The following PRAG1 variants were observed in gnomAD, a reference collection of about 807,000 sequenced individuals.
PRAG1 encodes the protein inactive tyrosine-protein kinase PRAG1.
PRAG1 carries 110 observed loss-of-function variants against 95.6 expected under a neutral mutation model. The observed-to-expected ratio is 1.15, with a 90% confidence interval of 0.99 to 1.35. The LOEUF is 1.35. PRAG1 is among the 40% of genes most tolerant of loss of function. The pLI, the probability that PRAG1 is intolerant of heterozygous loss-of-function variation, is 0.00. For missense variants in PRAG1, 2,554 were observed against 1,864.7 expected (o/e 1.37, Z -6.81); for synonymous variants, 1,052 against 819.4 (o/e 1.28, Z -4.85).
chr8:8,336,929 A>T (rs1190635541), intron 4 of PRAG1, among the ~76,000 whole-genome samples: 1 of 15,060 alleles, frequency 6.6e-5, no homozygotes, highest in Non-Finnish European at 1.4e-4. Context: ...CCCACCTCCG[A>T]CATAAAGCAT....
intron 2 of PRAG1, among the ~76,000 whole-genome samples, chr8:8,379,212 A>G (rs1800551958): frequency 6.6e-6 from 1 of 152,158 alleles, no homozygotes; most frequent in South Asian, 2.1e-4. Context: ...CAACTATGCC[A>G]GAGGTCATCT....
intron 4 of PRAG1, among the ~76,000 whole-genome samples, chr8:8,330,136 C>T (rs751026503): frequency 6.6e-6 from 1 of 152,110 alleles, no homozygotes; most frequent in Non-Finnish European, 1.5e-5. Context: ...GAGGCCAAGG[C>T]GGGAGGATCA....
chr8:8,336,075 T>C (rs1277502118), intron 4 of PRAG1, among the ~76,000 whole-genome samples: 1 of 152,228 alleles, frequency 6.6e-6, no homozygotes, highest in Non-Finnish European at 1.5e-5. Context: ...ACTGCCCTGG[T>C]ACATGTATTC....
chr8:8,337,624 T>C (rs955415426), intron 4 of PRAG1, among the ~76,000 whole-genome samples: 4 of 152,186 alleles, frequency 2.6e-5, no homozygotes, highest in Non-Finnish European at 5.9e-5. Context: ...AGGGACAAGG[T>C]ACATATCTTC....
At chr8:8,368,421 T>C (rs952925980) in intron 3 of PRAG1, among the ~76,000 whole-genome samples, 3 of 152,150 alleles carry the variant, frequency 2.0e-5, no homozygotes, top group Non-Finnish European at 2.9e-5. Flanking sequence ...CAAAAGTCAA[T>C]AGAAAGAAAT....
chr8:8,376,654 G>C lies in PRAG1; in HGVS notation c.1755C>G (p.Pro585=), dbSNP rs1255315667. ...DGSSGGSSIG[P]QPPSQGPADP... ...CAGCAGGACCTTGGGATGGAGGCTG[G>C]GGCCCAATGCTGCTGCCGCCAGAGC... Residue 585 remains proline, a synonymous_variant, in exon 3 of 6, where the codon CCC becomes CCG. Transcript: ENST00000615670. The C allele has an allele frequency of 1.2e-6, 2 of 1,609,598 alleles. No individual in the cohort carries two copies. Among genetic ancestry groups the C allele is most frequent in the Non-Finnish European group, 1.7e-6 (2 of 1,178,454 alleles).
chr8:8,354,203 G>A (rs1203840675), intron 3 of PRAG1, among the ~76,000 whole-genome samples: 1 of 152,064 alleles, frequency 6.6e-6, no homozygotes, highest in Non-Finnish European at 1.5e-5. Flanking sequence ...TAAATTCCTA[G>A]ATTCAATATT....
chr8:8,325,600 T>G (rs1798611997), intron 5 of PRAG1, among the ~76,000 whole-genome samples: 1 of 152,162 alleles, frequency 6.6e-6, no homozygotes, highest in African/African-American at 2.4e-5. Context: ...CACAGCACAA[T>G]TATTTATGTT....
intron 3 of PRAG1, among the ~76,000 whole-genome samples, chr8:8,349,505 A>T (rs986018724): frequency 2.0e-5 from 3 of 151,900 alleles, no homozygotes; most frequent in East Asian, 1.9e-4. Context: ...GATGGTCTCG[A>T]TCTCCTGACC....
chr8:8,328,488 G>A lies in PRAG1; in HGVS notation c.2321-27C>T, dbSNP rs376611892. On this transcript the variant is annotated intron_variant, in intron 4 of 5. Coordinates refer to ENST00000615670, the MANE Select transcript of PRAG1 (RefSeq NM_001080826.3). Reference sequence around the variant, plus strand: ...TGAAGAGGAGAGACAGAAACCATAAGACCAAGGCCAGTGCCACTCAATTCC... The same window carrying A: ...TGAAGAGGAGAGACAGAAACCATAAAACCAAGGCCAGTGCCACTCAATTCC... 86 of 1,610,498 alleles carry A rather than the reference G, an allele frequency of 5.3e-5. 1 individual carries two copies. In the East Asian group the frequency reaches 1.2e-3, roughly 22 times the overall value.
At position 8,376,754 on chromosome 8, in the gene PRAG1, C is replaced by T; in HGVS notation, c.1655G>A (p.Ser552Asn). The change falls in exon 3 of 6, where the codon AGC becomes AAC. Residue 552 changes from serine (S) to asparagine (N), a missense_variant. Ser to Asn is a conservative substitution (Grantham distance 46, BLOSUM62 1). Coordinates refer to ENST00000615670, the MANE Select transcript of PRAG1 (RefSeq NM_001080826.3). ...PAIPPKLSKSSPVGSPVSPSA... is the reference protein window; with the variant it reads ...PAIPPKLSKSNPVGSPVSPSA... ...CGGTGACACCGGGGACCCTACAGGG[C>T]TACTCTTGGACAACTTGGGGGGAAT... 1.2e-6 allele frequency: 2 copies of T among 1,610,202 alleles called. No individual in the cohort carries two copies. The highest frequency in any genetic ancestry group is 1.7e-5 in the Admixed American group (1 of 60,012).
At chr8:8,384,632 A>T (rs1484661898) in intron 1 of PRAG1, among the ~76,000 whole-genome samples, 2 of 119,300 alleles carry the variant, frequency 1.7e-5, no homozygotes, top group Non-Finnish European at 3.5e-5. Flanking sequence ...AAAAAAAAAA[A>T]CCTCTTTTCC....
chr8:8,338,673 T>C (rs2980491), intron 4 of PRAG1, among the ~76,000 whole-genome samples: 64,936 of 152,098 alleles, frequency 0.43, 15,958 homozygotes, highest in African/African-American at 0.69. Context: ...CAGTACCTAT[T>C]GTTTAGGTAG....
chr8:8,384,470 G>C (rs371781639), intron 1 of PRAG1, among the ~76,000 whole-genome samples: 1 of 151,990 alleles, frequency 6.6e-6, no homozygotes, highest in Admixed American at 6.6e-5. Flanking sequence ...ACGGATGGAC[G>C]CAAAGATTTT....
chr8:8,349,383 C>G (rs1799447732), intron 3 of PRAG1, among the ~76,000 whole-genome samples: 1 of 152,058 alleles, frequency 6.6e-6, no homozygotes, highest in African/African-American at 2.4e-5. Flanking sequence ...CGGGTTCACG[C>G]CATTCTCCTG....
At chr8:8,339,385 C>T in intron 4 of PRAG1, 93 bp downstream of exon 4, 1 of 1,377,428 alleles carries the variant, frequency 7.3e-7, no homozygotes, top group South Asian at 1.3e-5. Flanking sequence ...GACAGTAGTC[C>T]TTGCTCAGCC....
chr8:8,337,823 T>A (rs566268799), intron 4 of PRAG1, among the ~76,000 whole-genome samples: 82 of 152,258 alleles, frequency 5.4e-4, no homozygotes, highest in African/African-American at 8.4e-4. Context: ...CTCCGGCAGC[T>A]CTCTGTCTCC....
At chr8:8,358,878 C>T (rs1273909372) in intron 3 of PRAG1, among the ~76,000 whole-genome samples, 1 of 152,102 alleles carries the variant, frequency 6.6e-6, no homozygotes, top group Non-Finnish European at 1.5e-5. Context: ...CAGTGCTAAA[C>T]AAAGGAAAAG....
At chr8:8,376,166 A>C (rs1800379198) in intron 3 of PRAG1, 81 bp downstream of exon 3, 2 of 1,520,462 alleles carry the variant, frequency 1.3e-6, no homozygotes, top group Non-Finnish European at 1.8e-6. Context: ...CTGGGCCTGA[A>C]AGCTTTGATG....
Sources: gnomAD v4.1 joint callset for allele counts (sites outside exome capture counted in the v4.1 genomes callset) on GRCh38, gnomAD v4.1.1 for gene constraint, MANE v1.5 for transcripts, NCBI Gene and HGNC (gene_info 2026-07-23, HGNC 2026-07-21) for gene names.